Variants in TSNARE1 observed in about 807,000 individuals in gnomAD.
TSNARE1 encodes t-SNARE domain containing 1, also known as t-SNARE domain-containing protein 1.
Under a neutral mutation model 62.0 loss-of-function variants are expected in TSNARE1, and 49 were observed. The observed-to-expected ratio is 0.79, with a 90% CI of 0.63 to 1.00. TSNARE1 has a LOEUF of 1.00. Ranked by LOEUF, TSNARE1 falls within the 50% of genes least tolerant of loss-of-function variation. The pLI is 0.00. For synonymous variants in TSNARE1, 328 were observed against 294.4 expected, an observed-to-expected ratio of 1.11 and a Z score of -1.17; for missense variants, 755 against 700.1, an observed-to-expected ratio of 1.08 and a Z score of -0.88.
intron 4 of TSNARE1, among the ~76,000 whole-genome samples, chr8:142,332,266 C>T (rs987301166): frequency 6.6e-6 from 1 of 152,192 alleles, no homozygotes; most frequent in Non-Finnish European, 1.5e-5. Flanking sequence ...CTGGTTTCCG[C>T]ACAATGCAGG....
chr8:142,251,303 C>T (rs979665528), intron 12 of TSNARE1, among the ~76,000 whole-genome samples: 2 of 151,192 alleles, frequency 1.3e-5, no homozygotes, highest in Non-Finnish European at 1.5e-5. Flanking sequence ...TTTGAGATTC[C>T]GGTCAGCTAG....
intron 12 of TSNARE1, among the ~76,000 whole-genome samples, chr8:142,240,809 G>C (rs1563770541): frequency 6.6e-6 from 1 of 152,212 alleles, no homozygotes; most frequent in East Asian, 1.9e-4. Context: ...GAAATATTAT[G>C]TATCAAAACA....
intron 10 of TSNARE1, among the ~76,000 whole-genome samples, chr8:142,289,921 C>T (rs1298409497): frequency 6.6e-6 from 1 of 152,078 alleles, no homozygotes; most frequent in African/African-American, 2.4e-5. Context: ...AGGCAGATCC[C>T]AAGGATGGGC....
intron 12 of TSNARE1, among the ~76,000 whole-genome samples, chr8:142,244,254 T>G (rs1304468827): frequency 6.6e-6 from 1 of 152,142 alleles, no homozygotes; most frequent in Non-Finnish European, 1.5e-5. Context: ...AGGCAAATTA[T>G]TAGAGATAAT....
At chr8:142,307,759 G>A (rs1826925512) in intron 9 of TSNARE1, among the ~76,000 whole-genome samples, 1 of 152,220 alleles carries the variant, frequency 6.6e-6, no homozygotes, top group Admixed American at 6.5e-5. Flanking sequence ...AGAACTGCAA[G>A]ATCCTAGGTC....
chr8:142,318,518 C>T lies in TSNARE1; in HGVS notation c.984+26G>A, dbSNP rs377313380. On this transcript the variant is annotated intron_variant, in intron 7 of 13. Transcript: ENST00000524325. ...AGAGGGGTCCATTCCTCTCCTCCCT[C>T]CCAGCCCCAGACCCCAGGAACATAC... The T allele has an allele frequency of 1.5e-5, 24 of 1,606,832 alleles. No individual in the cohort carries two copies. In the African/African-American group the frequency reaches 2.3e-4, roughly 15 times the overall value.
chr8:142,361,332 G>C (rs1347545821), intron 1 of TSNARE1, among the ~76,000 whole-genome samples: 1 of 152,242 alleles, frequency 6.6e-6, no homozygotes, highest in Admixed American at 6.5e-5. Flanking sequence ...GGATGTGCCG[G>C]GTCAGTGAGG....
At chr8:142,280,361 C>A (rs888622441) in intron 11 of TSNARE1, 23 of 982,126 alleles carry the variant, frequency 2.3e-5, no homozygotes, top group Admixed American at 6.1e-5. Flanking sequence ...GGGGCAGAGA[C>A]CCTGGGGAGA....
rs189066135 is a variant in TSNARE1, at chr8:142,319,157, G to A, written c.894-523C>T. 6.9e-6 allele frequency among the ~76,000 whole-genome samples: 1 copy of A among 145,932 alleles called. No homozygotes were observed. The highest frequency in any genetic ancestry group is 6.8e-5 in the Admixed American group (1 of 14,772). ...GCCACTGCGAGGACCACCTTGCTCC[G>A]CCGCAACCACCCCCAAATACCCCAC... On this transcript the variant is annotated intron_variant, in intron 6 of 13. Transcript: ENST00000524325. The surrounding 1 kb of genome is among the most constrained non-coding windows in gnomAD (Gnocchi z 4.9).
chr8:142,319,986 C>T lies in TSNARE1; in HGVS notation c.894-1352G>A, dbSNP rs536517832. 1.3e-5 allele frequency among the ~76,000 whole-genome samples: 2 copies of T among 152,270 alleles called. No homozygotes were observed. The highest frequency in any genetic ancestry group is 4.8e-5 in the African/African-American group (2 of 41,558). On this transcript the variant is annotated intron_variant, in intron 6 of 13. Transcript: ENST00000524325. This position sits in a 1 kb window ranked among gnomAD's most constrained non-coding sequence, Gnocchi z 4.9. ...CTCCAGTGCCTCCAGCTCCCAAACACGCCTCTTCGGCCAACCACTGGCTTA... is the reference window on the plus strand; with the variant it reads ...CTCCAGTGCCTCCAGCTCCCAAACATGCCTCTTCGGCCAACCACTGGCTTA...
intron 10 of TSNARE1, among the ~76,000 whole-genome samples, chr8:142,294,277 G>T (rs1424222003): frequency 6.6e-6 from 1 of 152,098 alleles, no homozygotes; most frequent in African/African-American, 2.4e-5. Context: ...GGACGAGGCA[G>T]GGATCAATCA....
At chr8:142,251,476 G>A (rs956683994) in intron 12 of TSNARE1, among the ~76,000 whole-genome samples, 9 of 152,052 alleles carry the variant, frequency 5.9e-5, no homozygotes, top group Non-Finnish European at 7.4e-5. Flanking sequence ...GTGGGCCCAC[G>A]AGCAGCTCAG....
chr8:142,323,890 G>A (rs1829837888), intron 6 of TSNARE1, among the ~76,000 whole-genome samples: 1 of 152,186 alleles, frequency 6.6e-6, no homozygotes, highest in Non-Finnish European at 1.5e-5. Flanking sequence ...ATGGCTTGGG[G>A]AACAGCAGTG....
At chr8:142,274,210 C>T (rs1470037076) in intron 12 of TSNARE1, 8 of 985,302 alleles carry the variant, frequency 8.1e-6, no homozygotes, top group Admixed American at 6.1e-5. Flanking sequence ...GGGAAGACAG[C>T]GGCTGGGCCT....
intron 13 of TSNARE1, among the ~76,000 whole-genome samples, chr8:142,216,680 G>C (rs950023675): frequency 3.9e-5 from 6 of 152,200 alleles, no homozygotes; most frequent in Non-Finnish European, 8.8e-5. Context: ...AGCCTGGGGT[G>C]GGGGACGAGC....
intron 13 of TSNARE1, among the ~76,000 whole-genome samples, chr8:142,227,032 C>T (rs1032542356): frequency 4.0e-4 from 55 of 136,230 alleles, no homozygotes; most frequent in African/African-American, 1.7e-3. Flanking sequence ...CCCCACTGCA[C>T]CCACACAGCA....
rs73366644 is a variant in TSNARE1, at chr8:142,271,334, A to C, written c.1446+3447T>G. ...CTGCTCGGCCAGCCGCTGCAGCAGC[A>C]GGTTTTGCTGGGCCATGAGTGTGCT... On this transcript the variant is annotated intron_variant, in intron 12 of 13. Coordinates refer to ENST00000524325, the MANE Select transcript of TSNARE1 (RefSeq NM_145003.5). The C allele has an allele frequency of 1.5e-3, 1,730 of 1,153,278 alleles. 19 individuals are homozygous for C. In the African/African-American group the frequency reaches 0.025, roughly 17 times the overall value. 71.4% of individuals were successfully genotyped at this position (1,153,278 alleles called of 1,614,324 possible).
At chr8:142,242,621 A>T (rs192032270) in intron 12 of TSNARE1, among the ~76,000 whole-genome samples, 1 of 152,244 alleles carries the variant, frequency 6.6e-6, no homozygotes, top group African/African-American at 2.4e-5. Flanking sequence ...GATGATTTTT[A>T]AAATGGGCAG....
At chr8:142,298,691 A>C (rs970721358) in intron 10 of TSNARE1, among the ~76,000 whole-genome samples, 2 of 152,142 alleles carry the variant, frequency 1.3e-5, no homozygotes, top group African/African-American at 4.8e-5. Context: ...GGACTTAATC[A>C]ATAAGCAGCG....
Sources: gnomAD v4.1 joint callset for allele counts (sites outside exome capture counted in the v4.1 genomes callset) on GRCh38, gnomAD v4.1.1 for gene constraint, Gnocchi (gnomAD v3.1) non-coding constraint, MANE v1.5 for transcripts, NCBI Gene and HGNC (gene_info 2026-07-23, HGNC 2026-07-21) for gene names.